The following CPT1A variants were observed in gnomAD, a reference collection of about 807,000 sequenced individuals.
The protein encoded by CPT1A is carnitine palmitoyltransferase 1A.
Under a neutral mutation model 100.8 loss-of-function variants are expected in CPT1A, and 64 were observed. The ratio of observed to expected loss-of-function variants is 0.63; its 90% confidence interval spans 0.52 to 0.78. CPT1A has a LOEUF of 0.78. Ranked by LOEUF, CPT1A falls within the 30% of genes least tolerant of loss-of-function variation. The pLI is 0.00. For synonymous variants in CPT1A, 363 were observed against 396.0 expected, an observed-to-expected ratio of 0.92 and a Z score of 0.99; for missense variants, 802 against 1,034.1, an observed-to-expected ratio of 0.78 and a Z score of 3.08.
At chr11:68,826,144 C>T (rs983117828) in intron 1 of CPT1A, among the ~76,000 whole-genome samples, 6 of 152,200 alleles carry the variant, frequency 3.9e-5, no homozygotes, top group South Asian at 4.1e-4. Context: ...GATGTACCCC[C>T]GCACTGAAAG....
intron 14 of CPT1A, among the ~76,000 whole-genome samples, chr11:68,765,498 T>G (rs945444415): frequency 6.6e-6 from 1 of 152,146 alleles, no homozygotes; most frequent in African/African-American, 2.4e-5. Flanking sequence ...ATCTCCAGTT[T>G]CTAAGAAGCA....
intron 1 of CPT1A, among the ~76,000 whole-genome samples, 188 bp from the exon 2 acceptor site, chr11:68,815,675 G>A (rs1478925208): frequency 1.3e-5 from 2 of 152,162 alleles, no homozygotes; most frequent in East Asian, 3.9e-4. Context: ...CCGCTACAAA[G>A]ACAGTCGCCA....
chr11:68,839,703 A>G lies in CPT1A; in HGVS notation c.-14+2072T>C, dbSNP rs917963601. ...CGCGTCTAAAAGGGGCTCACTGTGA[A>G]GCCTCAGTGAAAACTGACGGTGTTT... On this transcript the variant is annotated intron_variant, in intron 1 of 18. Transcript: ENST00000265641. 6 of 985,378 alleles carry G rather than the reference A, an allele frequency of 6.1e-6. No homozygotes were observed. The African/African-American group carries it at 1.0e-4, about 17-fold the overall frequency. The allele number at this position is 985,378 out of a possible 1,614,324, so 61.0% of individuals were successfully genotyped here.
chr11:68,793,711 A>G (rs1469266407), intron 8 of CPT1A, among the ~76,000 whole-genome samples: 1 of 149,566 alleles, frequency 6.7e-6, no homozygotes, highest in East Asian at 2.0e-4. Flanking sequence ...GTGCCACTAC[A>G]CTCCAGCCTC....
chr11:68,824,016 G>T (rs1409161520), intron 1 of CPT1A, among the ~76,000 whole-genome samples: 1 of 152,052 alleles, frequency 6.6e-6, no homozygotes, highest in Non-Finnish European at 1.5e-5. Flanking sequence ...GGAGGCCGAG[G>T]TGGGCAGATC....
intron 15 of CPT1A, 90 bp from the exon 16 acceptor site, chr11:68,761,777 T>G (rs976889110): frequency 6.0e-5 from 89 of 1,480,464 alleles, no homozygotes; most frequent in Non-Finnish European, 7.8e-5. Context: ...CGGCTAATAT[T>G]TTTTGTTATT....
rs777319252 is a variant in CPT1A at position 68,761,574 on chromosome 11, C to T, written c.1989G>A (p.Val663=). 2.5e-6 allele frequency: 4 copies of T among 1,614,094 alleles called. No homozygotes were observed. The South Asian group carries it at 3.3e-5, about 13-fold the overall frequency. Residue 663 remains valine, a synonymous_variant, in exon 16 of 19, where the codon GTG becomes GTA. Transcript: ENST00000265641. ...GGGACTCCACAGCGAGATATTTAGA[C>T]ACCACGTAAAGGCAGAAGAGGTGAC... ...IDRHLFCLYV[V]SKYLAVESPF...
chr11:68,824,547 T>C (rs1334908144), intron 1 of CPT1A, among the ~76,000 whole-genome samples: 1 of 152,206 alleles, frequency 6.6e-6, no homozygotes, highest in African/African-American at 2.4e-5. Context: ...TGAATTATCT[T>C]TTAGGTATTA....
At chr11:68,764,496 G>A (rs1392353833) in intron 14 of CPT1A, among the ~76,000 whole-genome samples, 6 of 151,996 alleles carry the variant, frequency 3.9e-5, no homozygotes, top group Non-Finnish European at 7.4e-5. Context: ...AGGGGAAGCC[G>A]GACAGAGCAC....
intron 5 of CPT1A, among the ~76,000 whole-genome samples, chr11:68,800,690 C>T (rs2154000299): frequency 6.6e-6 from 1 of 151,834 alleles, no homozygotes; most frequent in East Asian, 2.0e-4. Context: ...TGTTGCTAAC[C>T]CCACAATTTG....
chr11:68,825,393 T>C (rs1390266993), intron 1 of CPT1A, among the ~76,000 whole-genome samples: 1 of 152,092 alleles, frequency 6.6e-6, no homozygotes, highest in Non-Finnish European at 1.5e-5. Flanking sequence ...TCTCACCCCA[T>C]AGCCCACCCA....
At chr11:68,816,565 C>T (rs1486657771) in intron 1 of CPT1A, among the ~76,000 whole-genome samples, 1 of 152,184 alleles carries the variant, frequency 6.6e-6, no homozygotes, top group Admixed American at 6.5e-5. Context: ...CTTCAGGCTC[C>T]TTGGCACAGC....
chr11:68,808,267 C>T (rs1034893341), intron 3 of CPT1A, among the ~76,000 whole-genome samples: 5 of 151,892 alleles, frequency 3.3e-5, no homozygotes, highest in African/African-American at 1.2e-4. Flanking sequence ...CTGTGTAAAA[C>T]GGTCATGTAA....
At chr11:68,796,427 G>A (rs1019012609) in intron 7 of CPT1A, among the ~76,000 whole-genome samples, 1 of 152,080 alleles carries the variant, frequency 6.6e-6, no homozygotes, top group Non-Finnish European at 1.5e-5. Context: ...GTGGTGGTGG[G>A]CACCTGTAAT....
chr11:68,758,633 T>C (rs913140157), intron 18 of CPT1A, among the ~76,000 whole-genome samples: 2 of 151,534 alleles, frequency 1.3e-5, no homozygotes, highest in Admixed American at 1.3e-4. Context: ...TTTTTTTTTT[T>C]TCTGAGACGG....
At chr11:68,824,150 A>C (rs1405718860) in intron 1 of CPT1A, among the ~76,000 whole-genome samples, 1 of 151,696 alleles carries the variant, frequency 6.6e-6, no homozygotes, top group African/African-American at 2.4e-5. Flanking sequence ...TGGGAGGCTG[A>C]AGCAGGAGAA....
chr11:68,789,616 G>A (rs929473877), intron 9 of CPT1A, among the ~76,000 whole-genome samples: 6 of 152,122 alleles, frequency 3.9e-5, no homozygotes, highest in African/African-American at 1.2e-4. Flanking sequence ...TGGCCAGGAT[G>A]GTCTCGAACT....
At chr11:68,783,075 T>C (rs1855359101) in intron 10 of CPT1A, among the ~76,000 whole-genome samples, 1 of 152,126 alleles carries the variant, frequency 6.6e-6, no homozygotes, top group African/African-American at 2.4e-5. Flanking sequence ...CCGCCGCTCT[T>C]TCCAGCCTTG....
At chr11:68,803,130 C>T (rs890780966) in intron 5 of CPT1A, among the ~76,000 whole-genome samples, 13 of 152,040 alleles carry the variant, frequency 8.6e-5, no homozygotes, top group South Asian at 6.2e-4. Flanking sequence ...AACAGATGAA[C>T]GGATAAATAA....
Sources: gnomAD v4.1 joint callset for allele counts (sites outside exome capture counted in the v4.1 genomes callset) on GRCh38, gnomAD v4.1.1 for gene constraint, MANE v1.5 for transcripts, NCBI Gene and HGNC (gene_info 2026-07-23, HGNC 2026-07-21) for gene names.